The following CHSY3 variants were observed in gnomAD, a reference collection of about 807,000 sequenced individuals.
The protein encoded by CHSY3 is chondroitin sulfate synthase 3.
In CHSY3, 35 loss-of-function variants were observed where a neutral mutation model predicts 67.2. That is an observed-to-expected ratio of 0.52 (90% CI 0.40 to 0.69). CHSY3 has a LOEUF of 0.69. CHSY3 is among the 30% of genes least tolerant of loss of function. The pLI, the probability that CHSY3 is intolerant of heterozygous loss-of-function variation, is 0.00. For synonymous variants in CHSY3, 474 were observed against 434.7 expected (o/e 1.09, Z -1.12); for missense variants, 1,069 against 1,138.5 (o/e 0.94, Z 0.88).
chr5:130,116,331 A>G (rs1767799939), intron 2 of CHSY3, among the ~76,000 whole-genome samples: 1 of 152,244 alleles, frequency 6.6e-6, no homozygotes, highest in Non-Finnish European at 1.5e-5. Flanking sequence ...AGCTATAAAT[A>G]GCATCTTCTG....
intron 2 of CHSY3, among the ~76,000 whole-genome samples, chr5:130,064,590 A>G (rs1259921297): frequency 1.3e-5 from 2 of 152,192 alleles, no homozygotes; most frequent in Non-Finnish European, 2.9e-5. Context: ...GAAACAGTTG[A>G]AAGTCTTGTC....
At chr5:130,119,553 G>C (rs1168472024) in intron 2 of CHSY3, among the ~76,000 whole-genome samples, 1 of 152,064 alleles carries the variant, frequency 6.6e-6, no homozygotes, top group Non-Finnish European at 1.5e-5. Context: ...CACCTGGTCT[G>C]TATTCCAGGC....
intron 2 of CHSY3, among the ~76,000 whole-genome samples, chr5:130,056,246 G>A (rs1765528450): frequency 6.6e-6 from 1 of 150,908 alleles, no homozygotes; most frequent in South Asian, 2.1e-4. Flanking sequence ...AAAAGTTTTG[G>A]TTCATCAGAA....
At chr5:129,914,769 T>C (rs1280473427) in intron 2 of CHSY3, among the ~76,000 whole-genome samples, 2 of 152,232 alleles carry the variant, frequency 1.3e-5, no homozygotes, top group Admixed American at 6.5e-5. Context: ...AGATAGTTCA[T>C]TTTTATCACT....
intron 2 of CHSY3, among the ~76,000 whole-genome samples, chr5:129,951,920 T>C (rs913170048): frequency 4.2e-4 from 64 of 152,208 alleles, no homozygotes; most frequent in African/African-American, 1.4e-3. Flanking sequence ...AGCACAGACA[T>C]TTATTGAGCA....
intron 2 of CHSY3, among the ~76,000 whole-genome samples, chr5:130,080,685 C>T (rs1766417057): frequency 6.6e-6 from 1 of 152,040 alleles, no homozygotes; most frequent in South Asian, 2.1e-4. Context: ...ATGGACAGCA[C>T]AGAGAAAAAG....
intron 2 of CHSY3, among the ~76,000 whole-genome samples, chr5:129,979,100 T>C (rs893554156): frequency 2.0e-5 from 3 of 146,472 alleles, no homozygotes; most frequent in Non-Finnish European, 4.4e-5. Flanking sequence ...CTCAGGAGGC[T>C]GAGGCAGGAG....
intron 2 of CHSY3, among the ~76,000 whole-genome samples, chr5:130,026,668 C>A (rs1764552384): frequency 6.6e-6 from 1 of 152,164 alleles, no homozygotes; most frequent in East Asian, 1.9e-4. Context: ...TTGTTTTTGG[C>A]ATTTTATATT....
At chr5:130,055,205 G>A (rs1765489986) in intron 2 of CHSY3, among the ~76,000 whole-genome samples, 1 of 151,348 alleles carries the variant, frequency 6.6e-6, no homozygotes, top group African/African-American at 2.4e-5. Context: ...CTTGCCTGAT[G>A]TGATTCAACA....
At chr5:130,044,294 G>C (rs1765083505) in intron 2 of CHSY3, among the ~76,000 whole-genome samples, 1 of 152,086 alleles carries the variant, frequency 6.6e-6, no homozygotes, top group Non-Finnish European at 1.5e-5. Context: ...AGTGTTTCAA[G>C]AAGGGGAGAG....
rs143750214 is a variant in CHSY3 at position 130,015,049 on chromosome 5, T to C, written c.1086+106689T>C. ...TCATGTTGAATTGTAATTCCCACTGTTAGAGGAGGAACCTGGTAGGAGGTG... is the reference window on the plus strand; with the variant it reads ...TCATGTTGAATTGTAATTCCCACTGCTAGAGGAGGAACCTGGTAGGAGGTG... On this transcript the variant is annotated intron_variant, in intron 2 of 2. Coordinates refer to ENST00000305031, the MANE Select transcript of CHSY3 (RefSeq NM_175856.5). Among the ~76,000 whole-genome samples, 437 of 152,334 alleles carry C rather than the reference T, an allele frequency of 2.9e-3. 6 individuals carry two copies. The highest frequency in any genetic ancestry group is 4.6e-3 in the Non-Finnish European group (311 of 68,028).
chr5:130,171,930 G>T (rs1366520251), intron 2 of CHSY3, among the ~76,000 whole-genome samples: 1 of 152,086 alleles, frequency 6.6e-6, no homozygotes, highest in African/African-American at 2.4e-5. Flanking sequence ...CTGGAAAAAA[G>T]AAGAAACTAT....
At chr5:130,052,528 T>C (rs1433564297) in intron 2 of CHSY3, among the ~76,000 whole-genome samples, 1 of 152,214 alleles carries the variant, frequency 6.6e-6, no homozygotes, top group Non-Finnish European at 1.5e-5. Flanking sequence ...AATAACAATT[T>C]TTTTTTATTT....
chr5:130,103,597 C>T (rs1767320247), intron 2 of CHSY3, among the ~76,000 whole-genome samples: 1 of 151,956 alleles, frequency 6.6e-6, no homozygotes, highest in Non-Finnish European at 1.5e-5. Context: ...GAATATCTCA[C>T]TGTTGGCAGA....
chr5:129,952,062 A>T (rs2149601737), intron 2 of CHSY3, among the ~76,000 whole-genome samples: 1 of 152,362 alleles, frequency 6.6e-6, no homozygotes, highest in South Asian at 2.1e-4. Context: ...AGGCGATAAG[A>T]ACCCATAAAT....
In CHSY3 at chr5:130,089,097, T is replaced by C. The variant is rs571453930; in HGVS notation, c.1087-95132T>C. On this transcript the variant is annotated intron_variant, in intron 2 of 2. Coordinates refer to ENST00000305031, the MANE Select transcript of CHSY3 (RefSeq NM_175856.5). Reference sequence around the variant, plus strand: ...GGGACATGGAAGAAATTGGAAATCATCATTCTCAGTAAACTATTGCAAGGA... The same window carrying C: ...GGGACATGGAAGAAATTGGAAATCACCATTCTCAGTAAACTATTGCAAGGA... 4.6e-5 allele frequency among the ~76,000 whole-genome samples: 7 copies of C among 151,600 alleles called. No individual in the cohort carries two copies. In the East Asian group the frequency reaches 1.2e-3, roughly 25 times the overall value.
At chr5:130,072,283 G>C (rs1387854337) in intron 2 of CHSY3, among the ~76,000 whole-genome samples, 2 of 152,118 alleles carry the variant, frequency 1.3e-5, no homozygotes, top group South Asian at 4.1e-4. Context: ...TACAGTTTCA[G>C]GTCTTACATT....
At chr5:130,006,085 A>G (rs951589126) in intron 2 of CHSY3, among the ~76,000 whole-genome samples, 4 of 152,210 alleles carry the variant, frequency 2.6e-5, no homozygotes, top group African/African-American at 9.7e-5. Context: ...TTAAATAAGC[A>G]TTGCAGAAAA....
intron 2 of CHSY3, among the ~76,000 whole-genome samples, chr5:130,093,350 A>G (rs1435822074): frequency 6.6e-6 from 1 of 152,180 alleles, no homozygotes; most frequent in Non-Finnish European, 1.5e-5. Context: ...AGTACTGTTT[A>G]GTTTATTTGA....
Sources: gnomAD v4.1 joint callset for allele counts (sites outside exome capture counted in the v4.1 genomes callset) on GRCh38, gnomAD v4.1.1 for gene constraint, MANE v1.5 for transcripts, NCBI Gene and HGNC (gene_info 2026-07-23, HGNC 2026-07-21) for gene names.